C4B: variants seen among roughly 807,000 people sequenced by gnomAD.
C4B encodes complement C4B (Chido/Rodgers blood group).
Under a neutral mutation model 46.2 loss-of-function variants are expected in C4B, and 6 were observed. The observed-to-expected ratio is 0.13, with a 90% confidence interval of 0.07 to 0.26. C4B has a LOEUF of 0.26. C4B is among the 10% of genes least tolerant of loss of function. C4B has a pLI of 1.00. For synonymous variants in C4B, 61 were observed against 240.1 expected (o/e 0.25, Z 6.90); for missense variants, 119 against 560.9 (o/e 0.21, Z 7.96).
At position 32,029,335 on chromosome 6, in the gene C4B, G is replaced by A. The variant is rs1210672918; in HGVS notation, c.3673G>A (p.Gly1225Arg). Residue 1225 changes from glycine (G) to arginine (R), a missense_variant, in exon 28 of 41, where the codon GGA becomes AGA. Gly to Arg is a moderately radical substitution (Grantham distance 125). Coordinates refer to ENST00000435363, the MANE Select transcript of C4B (RefSeq NM_001002029.4). ...NNLMAMAQET[G>R]DNLYWGSVTG... ...CCTCATGGCAATGGCCCAGGAGACT[G>A]GAGGTGAGGGGTGAGGGGCTCTGGC... 1.9e-6 allele frequency: 3 copies of A among 1,546,030 alleles called. 1 individual carries two copies. The highest frequency in any genetic ancestry group is 2.6e-6 in the Non-Finnish European group (3 of 1,135,868).
Position 32,029,160 on chromosome 6 carries a change from C to T in C4B, c.3505-7C>T. ...AGGCCCAAGACCCTCCTCCCGTTTT[C>T]TTCCAGGAAGCCTCCATCTCAAAGG... On this transcript the variant is annotated splice_region_variant and splice_polypyrimidine_tract_variant and intron_variant, in intron 27 of 40. Coordinates refer to ENST00000435363, the MANE Select transcript of C4B (RefSeq NM_001002029.4). 6.3e-7 allele frequency: 1 copy of T among 1,590,308 alleles called. No homozygotes were observed. The highest frequency in any genetic ancestry group is 8.6e-7 in the Non-Finnish European group (1 of 1,162,912).
At position 32,029,297 on chromosome 6, in the gene C4B, T is replaced by C. The variant is rs747802141; in HGVS notation, c.3635T>C (p.Val1212Ala). The C allele has an allele frequency of 1.3e-6, 2 of 1,566,666 alleles. No homozygotes were observed. Among genetic ancestry groups the C allele is most frequent in the Non-Finnish European group, 1.7e-6 (2 of 1,146,080 alleles). Residue 1212 changes from valine (V) to alanine (A), a missense_variant, in exon 28 of 41, where the codon GTT (valine) becomes GCT (alanine). Val to Ala is a moderately conservative substitution (Grantham distance 64). Coordinates refer to ENST00000435363, the MANE Select transcript of C4B (RefSeq NM_001002029.4). ...AAGGCCCCTGCGGACCTGCGGGGTGTTGCCCACAACAACCTCATGGCAATG... is the reference window on the plus strand; with the variant it reads ...AAGGCCCCTGCGGACCTGCGGGGTGCTGCCCACAACAACCTCATGGCAATG... ...LTKAPADLRG[V>A]AHNNLMAMAQ... is the part of the protein sequence containing the mutation.
Position 32,029,203 on chromosome 6 carries a change from G to C in C4B, c.3541G>C (p.Glu1181Gln). The C allele has an allele frequency of 6.3e-7, 1 of 1,591,892 alleles. No individual in the cohort carries two copies. Among genetic ancestry groups the C allele is most frequent in the South Asian group, 1.1e-5 (1 of 90,086 alleles). ...CTCAAAGGCAAGCTCATTTTTGGGG[G>C]AGAAAGCAAGTGCTGGGCTCCTGGG... ...SISKASSFLGEKASAGLLGAH... is the reference protein window; with the variant it reads ...SISKASSFLGQKASAGLLGAH... Residue 1181 changes from glutamate (E) to glutamine (Q), a missense_variant, in exon 28 of 41, where the codon GAG (glutamate) becomes CAG (glutamine). By Grantham distance (29) the Glu-to-Gln change is conservative. Transcript: ENST00000435363.
chr6:32,026,887 CAG>C, intron 19 of C4B, 94 bp from the exon 20 acceptor site: 1 of 837,488 alleles, frequency 1.2e-6, no homozygotes. Flanking sequence ...CGGACTGAGA[CAG>C]AGCTGGGTCA....
chr6:32,029,083 C>A (rs745719918), intron 27 of C4B, 22 bp downstream of exon 27: 2 of 1,565,344 alleles, frequency 1.3e-6, no homozygotes, highest in East Asian at 4.5e-5. Context: ...GGCGTTTCTG[C>A]CCTCTGCTGG....
rs758980099 is a variant in C4B, at chr6:32,028,727, G to A, written c.3265G>A (p.Ala1089Thr). Residue 1089 changes from alanine to threonine, a missense_variant, in exon 26 of 41, where the codon GCC becomes ACC. By Grantham distance (58) the Ala-to-Thr change is moderately conservative. Transcript: ENST00000435363. Reference sequence around the variant, plus strand: ...CTTTGTGTTGAAGGTCCTGAGTTTGGCCCAGGAGCAGGTAGGAGGCTCGCC... The same window carrying A: ...CTTTGTGTTGAAGGTCCTGAGTTTGACCCAGGAGCAGGTAGGAGGCTCGCC... ...TAFVLKVLSL[A>T]QEQVGGSPEK... 1.3e-6 allele frequency: 2 copies of A among 1,551,716 alleles called. No individual in the cohort carries two copies. Among genetic ancestry groups the A allele is most frequent in the Non-Finnish European group, 1.8e-6 (2 of 1,139,226 alleles).
rs2151865500 is a variant in C4B at position 32,029,187 on chromosome 6, A to T, written c.3525A>T (p.Ala1175=). The T allele has an allele frequency of 6.3e-7, 1 of 1,591,352 alleles. No individual in the cohort carries two copies. The highest frequency in any genetic ancestry group is 1.1e-5 in the South Asian group (1 of 90,060). The change falls in exon 28 of 41, where the codon GCA becomes GCT. Residue 1175 remains alanine, a synonymous_variant. Coordinates refer to ENST00000435363, the MANE Select transcript of C4B (RefSeq NM_001002029.4). ...TCCAGGAAGCCTCCATCTCAAAGGC[A>T]AGCTCATTTTTGGGGGAGAAAGCAA... ...KQRVEASISK[A]SSFLGEKASA...
chr6:32,026,580 GC>G lies in C4B; in HGVS notation c.2381+20del, dbSNP rs1299118653. ...CTTTCAAATGTGAGAGTGTGTGCCG[GC>G]CCGGCCTTTTCTCTGTGCTGTGTCT... On this transcript the variant is annotated intron_variant, in intron 18 of 40. Transcript: ENST00000435363. The G allele has an allele frequency of 1.5e-5, 2 of 132,094 alleles. No individual in the cohort carries two copies. The highest frequency in any genetic ancestry group is 2.9e-4 in the East Asian group (2 of 6,854). The allele number at this position is 132,094 out of a possible 1,614,324, so 8.2% of individuals were successfully genotyped here.
Position 32,028,854 on chromosome 6 carries a change from G to C in C4B, c.3387+5G>C, listed in dbSNP as rs371564595. ...GTGATACATAGGAGCATGCAGGTGC[G>C]GGCATGCTGGGGCTGGCCCGAGAAG... is the stretch of plus-strand genomic sequence containing the variant. On this transcript the variant is annotated splice_donor_5th_base_variant and intron_variant, in intron 26 of 40. Transcript: ENST00000435363. 10 of 1,563,216 alleles carry C rather than the reference G, an allele frequency of 6.4e-6. 2 individuals carry two copies. The highest frequency in any genetic ancestry group is 8.7e-6 in the Non-Finnish European group (10 of 1,144,796).
chr6:32,028,626 G>A, intron 25 of C4B, 67 bp from the exon 26 acceptor site: 1 of 1,458,522 alleles, frequency 6.9e-7, no homozygotes, highest in Middle Eastern at 1.8e-4. Context: ...GGATAACCAG[G>A]CACCTGGGGG....
rs765018489 is a variant in C4B, at chr6:32,028,894, C to G, written c.3387+45C>G. ...GGCCCGAGAAGCGCCTGTCGGAGGA[C>G]TCTCTTTGCCCCTTCCCCCTCCTGT... On this transcript the variant is annotated intron_variant, in intron 26 of 40. Transcript: ENST00000435363. The G allele has an allele frequency of 1.9e-6, 3 of 1,566,010 alleles. No individual in the cohort carries two copies. The East Asian group carries it at 6.8e-5, about 36-fold the overall frequency.
In C4B at chr6:32,028,854, G is replaced by A. The variant is rs371564595; in HGVS notation, c.3387+5G>A. The A allele has an allele frequency of 5.5e-5, 86 of 1,563,102 alleles. 13 individuals are homozygous for A. The African/African-American group carries it at 9.8e-4, about 18-fold the overall frequency. On this transcript the variant is annotated splice_donor_5th_base_variant and intron_variant, in intron 26 of 40. Transcript: ENST00000435363. ...GTGATACATAGGAGCATGCAGGTGCGGGCATGCTGGGGCTGGCCCGAGAAG... is the reference window on the plus strand; with the variant it reads ...GTGATACATAGGAGCATGCAGGTGCAGGCATGCTGGGGCTGGCCCGAGAAG...
chr6:32,029,033 A>C lies in C4B; in HGVS notation c.3476A>C (p.Glu1159Ala). 6.5e-7 allele frequency: 1 copy of C among 1,546,744 alleles called. No homozygotes were observed. The highest frequency in any genetic ancestry group is 8.9e-7 in the Non-Finnish European group (1 of 1,128,954). ...CATGGGCTGGCCGTCTTCCAGGATG[A>C]GGGTGCAGAGCCATTGAAGCAGAGA... is the stretch of plus-strand genomic sequence containing the variant. ...LHHGLAVFQD[E>A]GAEPLKQRVE... The change falls in exon 27 of 41, where the codon GAG becomes GCG. Residue 1159 changes from glutamate (E) to alanine (A), a missense_variant. Glu to Ala is a moderately radical substitution (Grantham distance 107). Transcript: ENST00000435363.
Sources: allele counts gnomAD v4.1 joint callset, GRCh38; gene constraint gnomAD v4.1.1; transcripts MANE v1.5; gene names NCBI Gene and HGNC (gene_info 2026-07-23, HGNC 2026-07-21).